CDH12: variants seen among roughly 807,000 people sequenced by gnomAD.
The protein encoded by CDH12 is cadherin 12.
In CDH12, 41 loss-of-function variants were observed where a neutral mutation model predicts 74.1. That is an observed-to-expected ratio of 0.55 (90% CI 0.43 to 0.72). The LOEUF (loss-of-function observed/expected upper bound fraction) is 0.72. Ranked by LOEUF, CDH12 falls within the 30% of genes least tolerant of loss-of-function variation. The pLI is 0.00. For synonymous variants in CDH12, 399 were observed against 355.0 expected, an observed-to-expected ratio of 1.12 and a Z score of -1.39; for missense variants, 945 against 977.2, an observed-to-expected ratio of 0.97 and a Z score of 0.44.
At chr5:22,783,324 A>C (rs1747473518) in intron 1 of CDH12, among the ~76,000 whole-genome samples, 1 of 152,120 alleles carries the variant, frequency 6.6e-6, no homozygotes, top group Non-Finnish European at 1.5e-5. Context: ...ATCCTGAGGT[A>C]AAGGCAAAGC....
At chr5:22,582,863 G>C (rs890033963) in intron 1 of CDH12, among the ~76,000 whole-genome samples, 28 of 152,134 alleles carry the variant, frequency 1.8e-4, no homozygotes, top group African/African-American at 6.5e-4. Flanking sequence ...CTGGGGGTTT[G>C]TACTCTTGAA....
At chr5:21,861,536 T>C (rs140187133) in intron 6 of CDH12, among the ~76,000 whole-genome samples, 90 of 152,254 alleles carry the variant, frequency 5.9e-4, no homozygotes, top group African/African-American at 2.1e-3. Flanking sequence ...TGTAATTTCT[T>C]GAACCTTATT....
intron 2 of CDH12, among the ~76,000 whole-genome samples, chr5:22,452,640 T>C (rs150134109): frequency 4.2e-4 from 63 of 151,728 alleles, no homozygotes; most frequent in African/African-American, 1.4e-3. Flanking sequence ...ATGGGAGAAA[T>C]TCTTCATGGC....
intron 1 of CDH12, among the ~76,000 whole-genome samples, chr5:22,639,389 A>C (rs984305585): frequency 1.5e-4 from 22 of 151,112 alleles, no homozygotes; most frequent in African/African-American, 4.6e-4. Flanking sequence ...TGGCTGGGCA[A>C]GTTTTTAAAT....
intron 5 of CDH12, among the ~76,000 whole-genome samples, chr5:22,035,548 T>A (rs1739115652): frequency 6.6e-6 from 1 of 152,130 alleles, no homozygotes; most frequent in South Asian, 2.1e-4. Context: ...TATAATAGGT[T>A]GAAAATGTGT....
intron 4 of CDH12, among the ~76,000 whole-genome samples, chr5:22,164,599 G>A (rs1368189062): frequency 6.6e-6 from 1 of 152,202 alleles, no homozygotes; most frequent in Admixed American, 6.5e-5. Context: ...TGAAAACAGA[G>A]CTCCTGTACG....
chr5:22,212,262 C>G (rs566978365), intron 4 of CDH12: 1 of 152,316 alleles, frequency 6.6e-6, no homozygotes, highest in Non-Finnish European at 1.5e-5. Context: ...AATTAACTAT[C>G]TTTTCATGTT....
At chr5:21,918,465 A>C (rs1754201740) in intron 6 of CDH12, among the ~76,000 whole-genome samples, 1 of 152,114 alleles carries the variant, frequency 6.6e-6, no homozygotes, top group South Asian at 2.1e-4. Flanking sequence ...TTATAAAGGA[A>C]AAAGGTTTAA....
chr5:22,617,359 C>A (rs1737743997), intron 1 of CDH12, among the ~76,000 whole-genome samples: 1 of 152,042 alleles, frequency 6.6e-6, no homozygotes, highest in Admixed American at 6.6e-5. Context: ...TACAGTGACC[C>A]AATCTATAAG....
chr5:22,320,371 G>T (rs182841161), intron 3 of CDH12, among the ~76,000 whole-genome samples: 1 of 152,142 alleles, frequency 6.6e-6, no homozygotes, highest in Admixed American at 6.5e-5. Flanking sequence ...AATTGTAAAT[G>T]GATTATTTGA....
intron 13 of CDH12, among the ~76,000 whole-genome samples, chr5:21,759,942 T>C (rs1039984319): frequency 4.6e-5 from 7 of 152,152 alleles, no homozygotes; most frequent in African/African-American, 1.7e-4. Flanking sequence ...CAGTATTTGA[T>C]CTTCTGTTCC....
intron 3 of CDH12, among the ~76,000 whole-genome samples, chr5:22,250,120 CAG>C (rs1470398712): frequency 6.6e-6 from 1 of 151,646 alleles, no homozygotes; most frequent in Admixed American, 6.6e-5. Flanking sequence ...TGAGAAAGTG[CAG>C]AGAGTTTAAT....
chr5:22,451,507 A>C (rs903724098), intron 2 of CDH12, among the ~76,000 whole-genome samples: 2 of 151,968 alleles, frequency 1.3e-5, no homozygotes, highest in African/African-American at 4.8e-5. Context: ...AAAAGCATTT[A>C]GTAAACTTCA....
At chr5:22,690,440 G>A (rs895078236) in intron 1 of CDH12, among the ~76,000 whole-genome samples, 1 of 152,138 alleles carries the variant, frequency 6.6e-6, no homozygotes, top group African/African-American at 2.4e-5. Context: ...TGGTATAATT[G>A]AAAAGCTGTA....
chr5:22,097,883 C>T (rs1039543687), intron 4 of CDH12, among the ~76,000 whole-genome samples: 4 of 152,186 alleles, frequency 2.6e-5, no homozygotes, highest in African/African-American at 9.7e-5. Context: ...TCACCTGCTA[C>T]AGCATGGCCT....
intron 8 of CDH12, among the ~76,000 whole-genome samples, chr5:21,823,699 T>C (rs1050933687): frequency 2.0e-5 from 3 of 152,142 alleles, no homozygotes; most frequent in African/African-American, 7.2e-5. Context: ...AAATATCTGC[T>C]TAAGTACTCC....
chr5:22,658,132 TG>T (rs1336731372), intron 1 of CDH12, among the ~76,000 whole-genome samples: 1 of 152,154 alleles, frequency 6.6e-6, no homozygotes, highest in African/African-American at 2.4e-5. Flanking sequence ...AGTAGTAATT[TG>T]TGGGCAAAGT....
chr5:22,378,824 T>A lies in CDH12; in HGVS notation c.-333+26433A>T, dbSNP rs549983946. ...TTTCTACTTCAAGCTAAGAAAATTG[T>A]CTTTAGAAATTGCATTTATTTTCCT... On this transcript the variant is annotated intron_variant, in intron 3 of 14. Coordinates refer to ENST00000382254, the MANE Select transcript of CDH12 (RefSeq NM_004061.5). Among the ~76,000 whole-genome samples, 3 of 152,248 alleles carry A rather than the reference T, an allele frequency of 2.0e-5. No individual in the cohort carries two copies. In the South Asian group the frequency reaches 6.2e-4, roughly 32 times the overall value.
intron 1 of CDH12, among the ~76,000 whole-genome samples, chr5:22,743,156 C>T (rs1219832316): frequency 1.3e-5 from 2 of 151,546 alleles, no homozygotes; most frequent in Non-Finnish European, 2.9e-5. Context: ...CCTTCAGACT[C>T]AGAGGAACTC....
Sources: allele counts gnomAD v4.1 joint callset (sites outside exome capture counted in the v4.1 genomes callset), GRCh38; gene constraint gnomAD v4.1.1; transcripts MANE v1.5; gene names NCBI Gene and HGNC (gene_info 2026-07-23, HGNC 2026-07-21).